HNRNPD: variants seen among roughly 807,000 people sequenced by gnomAD.
HNRNPD encodes the protein heterogeneous nuclear ribonucleoprotein D0.
Under a neutral mutation model 47.9 loss-of-function variants are expected in HNRNPD, and 3 were observed. That is an observed-to-expected ratio of 0.06 (90% CI 0.03 to 0.16). The LOEUF (loss-of-function observed/expected upper bound fraction) is 0.16, where lower values mean the gene tolerates loss of function less well. Ranked by LOEUF, HNRNPD falls within the 10% of genes least tolerant of loss-of-function variation. The pLI is 1.00. For synonymous variants in HNRNPD, 171 were observed against 165.1 expected, an observed-to-expected ratio of 1.04 and a Z score of -0.28; for missense variants, 287 against 454.2, an observed-to-expected ratio of 0.63 and a Z score of 3.35.
chr4:82,370,476 C>T (rs1053054160), intron 2 of HNRNPD, among the ~76,000 whole-genome samples: 20 of 152,194 alleles, frequency 1.3e-4, no homozygotes, highest in Admixed American at 7.2e-4. Context: ...TGCTAGTGCC[C>T]ACCACTCACC....
chr4:82,363,811 T>C (rs1719609100), intron 2 of HNRNPD, among the ~76,000 whole-genome samples: 1 of 152,180 alleles, frequency 6.6e-6, no homozygotes, highest in Non-Finnish European at 1.5e-5. Context: ...TCCACCAAAT[T>C]GTAAAATTAA....
intron 2 of HNRNPD, among the ~76,000 whole-genome samples, chr4:82,360,864 TG>T (rs1719371540): frequency 6.6e-6 from 1 of 152,238 alleles, no homozygotes. Flanking sequence ...GAGGTGTTAC[TG>T]ATCTTACTAT....
chr4:82,359,035 C>T (rs1723849093), intron 3 of HNRNPD, among the ~76,000 whole-genome samples: 1 of 151,998 alleles, frequency 6.6e-6, no homozygotes, highest in African/African-American at 2.4e-5. Flanking sequence ...ACAAATTTAA[C>T]CAATTACTAG....
chr4:82,372,621 G>A (rs1295797808), intron 1 of HNRNPD, among the ~76,000 whole-genome samples: 1 of 152,166 alleles, frequency 6.6e-6, no homozygotes, highest in Non-Finnish European at 1.5e-5. Flanking sequence ...GGCGCGAAAA[G>A]GGTGCGCGGT....
chr4:82,371,351 T>C (rs1472035636), intron 2 of HNRNPD, among the ~76,000 whole-genome samples, 177 bp downstream of exon 2: 1 of 152,188 alleles, frequency 6.6e-6, no homozygotes, highest in Non-Finnish European at 1.5e-5. Context: ...GGCATCAATT[T>C]TGCCCAAAGA....
rs1193958682 is a variant in HNRNPD, at chr4:82,361,750, G to T, written c.291-2111C>A. Among the ~76,000 whole-genome samples, 3 of 152,138 alleles carry T rather than the reference G, an allele frequency of 2.0e-5. No individual in the cohort carries two copies. The East Asian group carries it at 5.8e-4, about 29-fold the overall frequency. ...GTGGTATTATTCTGAAGCCCCAAAT[G>T]TTTTTCAGACAAGAAGCAGATTTTC... On this transcript the variant is annotated intron_variant, in intron 2 of 8. Coordinates refer to ENST00000313899, the MANE Select transcript of HNRNPD (RefSeq NM_031370.3).
intron 2 of HNRNPD, among the ~76,000 whole-genome samples, chr4:82,362,967 T>TA (rs2109995192): frequency 6.6e-6 from 1 of 152,160 alleles, no homozygotes; most frequent in African/African-American, 2.4e-5. Context: ...AATGGGCACT[T>TA]AGTCTCTACA....
intron 2 of HNRNPD, among the ~76,000 whole-genome samples, chr4:82,369,556 A>G (rs757489893): frequency 3.2e-4 from 42 of 131,148 alleles, no homozygotes; most frequent in Non-Finnish European, 6.3e-4. Flanking sequence ...AACTGTGTTT[A>G]ATAAATTCAA....
At chr4:82,356,264 A>G (rs917737193) in intron 7 of HNRNPD, 3 of 337,988 alleles carry the variant, frequency 8.9e-6, no homozygotes, top group Non-Finnish European at 1.6e-5. Flanking sequence ...CCTTGAGCTT[A>G]AAAGATCTGA....
At chr4:82,372,555 G>A (rs756804904) in intron 1 of HNRNPD, among the ~76,000 whole-genome samples, 3 of 152,086 alleles carry the variant, frequency 2.0e-5, no homozygotes, top group Non-Finnish European at 2.9e-5. Flanking sequence ...AAATTAGGTT[G>A]CACATAAAAA....
Position 82,373,884 on chromosome 4 carries a change from A to C in HNRNPD, c.-206T>G. On this transcript the variant is annotated 5_prime_UTR_variant, in exon 1 of 9. Transcript: ENST00000313899. ...CGCCTCCCACTCTCGCGCGGCGCAC[A>C]CTCCCGCTCTCTCCCGCTGCACTAA... 2.6e-6 allele frequency: 3 copies of C among 1,173,262 alleles called. No homozygotes were observed. The highest frequency in any genetic ancestry group is 3.0e-5 in the East Asian group (1 of 32,960). 72.7% of individuals were successfully genotyped at this position (1,173,262 alleles called of 1,614,324 possible).
chr4:82,364,095 G>C (rs1053776956), intron 2 of HNRNPD, among the ~76,000 whole-genome samples: 4 of 151,986 alleles, frequency 2.6e-5, no homozygotes, highest in African/African-American at 9.7e-5. Flanking sequence ...TCCCACCTCA[G>C]CCTCACCAGT....
At chr4:82,370,527 CT>C (rs3840295) in intron 2 of HNRNPD, among the ~76,000 whole-genome samples, 86,506 of 151,194 alleles carry the variant, frequency 0.57, 25,563 homozygotes, top group East Asian at 0.8. Context: ...TGACCCCAGT[CT>C]TTTTTTTTTC....
intron 2 of HNRNPD, among the ~76,000 whole-genome samples, chr4:82,361,733 A>G (rs1347100776): frequency 1.3e-5 from 2 of 152,224 alleles, no homozygotes. Context: ...ATGTGGTATT[A>G]TTCTGAAGCC....
chr4:82,368,327 T>C (rs1719867205), intron 2 of HNRNPD, among the ~76,000 whole-genome samples: 1 of 152,154 alleles, frequency 6.6e-6, no homozygotes, highest in African/African-American at 2.4e-5. Context: ...CCTAATATTA[T>C]GTATTAGGAC....
At chr4:82,362,847 G>A (rs976380050) in intron 2 of HNRNPD, among the ~76,000 whole-genome samples, 2 of 151,896 alleles carry the variant, frequency 1.3e-5, no homozygotes, top group Non-Finnish European at 2.9e-5. Flanking sequence ...TGATCCGCCC[G>A]CTCCAGCCTC....
chr4:82,359,407 G>GT (rs1723870723), intron 3 of HNRNPD, 64 bp downstream of exon 3: 1 of 1,182,460 alleles, frequency 8.5e-7, no homozygotes, highest in Non-Finnish European at 1.1e-6. Context: ...CAAACTCATT[G>GT]TATCAAACTA....
intron 1 of HNRNPD, among the ~76,000 whole-genome samples, chr4:82,372,197 G>A (rs1720080184): frequency 6.6e-6 from 1 of 151,980 alleles, no homozygotes; most frequent in Admixed American, 6.6e-5. Context: ...GAATGGAAGC[G>A]TGAACCCACG....
At chr4:82,367,230 T>C (rs558682278) in intron 2 of HNRNPD, among the ~76,000 whole-genome samples, 2 of 152,258 alleles carry the variant, frequency 1.3e-5, no homozygotes, top group Admixed American at 6.5e-5. Context: ...TGACATCTTG[T>C]ATGTTTACGT....
Sources: allele counts gnomAD v4.1 joint callset (sites outside exome capture counted in the v4.1 genomes callset), GRCh38; gene constraint gnomAD v4.1.1; transcripts MANE v1.5; gene names NCBI Gene and HGNC (gene_info 2026-07-23, HGNC 2026-07-21).